The following DCUN1D4 variants were observed in gnomAD, a reference collection of about 807,000 sequenced individuals.
DCUN1D4 encodes the protein defective in cullin neddylation 1 domain containing 4.
In DCUN1D4, 22 loss-of-function variants were observed where a neutral mutation model predicts 47.9. The ratio of observed to expected loss-of-function variants is 0.46; its 90% CI spans 0.33 to 0.66. The LOEUF (loss-of-function observed/expected upper bound fraction) is 0.66. DCUN1D4 is among the 30% of genes least tolerant of loss of function. DCUN1D4 has a pLI of 0.02. For missense variants in DCUN1D4, 301 were observed against 340.8 expected, an observed-to-expected ratio of 0.88 and a Z score of 0.92; for synonymous variants, 121 against 112.2, an observed-to-expected ratio of 1.08 and a Z score of -0.50.
At chr4:51,840,587 G>A (rs1340317387), upstream of DCUN1D4, among the ~76,000 whole-genome samples, 1 of 152,148 alleles carries the variant, frequency 6.6e-6, no homozygotes, top group African/African-American at 2.4e-5. Context: ...TAATCACCAA[G>A]GTTCCTATCC....
intron 6 of DCUN1D4, among the ~76,000 whole-genome samples, chr4:51,889,279 A>G (rs1456684630): frequency 1.3e-5 from 2 of 152,194 alleles, no homozygotes; most frequent in African/African-American, 4.8e-5. Flanking sequence ...CAGAGACATT[A>G]ACATTTGTAA....
intron 6 of DCUN1D4, among the ~76,000 whole-genome samples, chr4:51,890,743 C>T (rs1373945948): frequency 6.6e-6 from 1 of 152,226 alleles, no homozygotes; most frequent in African/African-American, 2.4e-5. Context: ...GGCCTCAACC[C>T]TGTCCCTGTG....
intron 5 of DCUN1D4, among the ~76,000 whole-genome samples, chr4:51,882,877 T>C (rs370517585): frequency 2.2e-4 from 34 of 151,508 alleles, no homozygotes; most frequent in African/African-American, 6.1e-4. Flanking sequence ...AAAGTAACTT[T>C]CCCCCCCGGC....
chr4:51,847,801 C>T (rs1722784644), intron 1 of DCUN1D4, among the ~76,000 whole-genome samples: 1 of 152,048 alleles, frequency 6.6e-6, no homozygotes, highest in Non-Finnish European at 1.5e-5. Flanking sequence ...TTACTGTGCT[C>T]CCTCTCTAGC....
intron 1 of DCUN1D4, among the ~76,000 whole-genome samples, chr4:51,858,516 A>G (rs748382652): frequency 6.6e-6 from 1 of 152,192 alleles, no homozygotes; most frequent in East Asian, 1.9e-4. Context: ...TTCCCCTTCC[A>G]TCTGTAACTA....
chr4:51,853,408 G>A (rs1244767875), intron 1 of DCUN1D4, among the ~76,000 whole-genome samples: 2 of 152,138 alleles, frequency 1.3e-5, no homozygotes, highest in Non-Finnish European at 2.9e-5. Flanking sequence ...TTCCTCACCT[G>A]CTACTTTCAA....
intron 1 of DCUN1D4, among the ~76,000 whole-genome samples, chr4:51,857,041 C>G (rs144360272): frequency 6.6e-6 from 1 of 152,276 alleles, no homozygotes; most frequent in Admixed American, 6.5e-5. Flanking sequence ...ATACTCGACT[C>G]ATACCGTATT....
At chr4:51,833,973 C>T in the DCUN1D4 span, among the ~76,000 whole-genome samples, 1 of 149,110 alleles carries the variant, frequency 6.7e-6, no homozygotes, top group South Asian at 2.2e-4. Context: ...GGAGATTTTG[C>T]AGAGTGGGAG....
At chr4:51,871,671 C>A (rs1726920923) in intron 3 of DCUN1D4, among the ~76,000 whole-genome samples, 1 of 152,226 alleles carries the variant, frequency 6.6e-6, no homozygotes, top group African/African-American at 2.4e-5. Context: ...CCTTGAGGAT[C>A]AGGACAGACT....
intron 6 of DCUN1D4, among the ~76,000 whole-genome samples, chr4:51,889,231 T>C (rs1730044551): frequency 6.6e-6 from 1 of 152,230 alleles, no homozygotes; most frequent in Admixed American, 6.5e-5. Flanking sequence ...CTAAATAAAC[T>C]CTGATGTGCT....
At chr4:51,883,616 G>A (rs938398918) in intron 5 of DCUN1D4, among the ~76,000 whole-genome samples, 16 of 152,238 alleles carry the variant, frequency 1.1e-4, no homozygotes, top group Non-Finnish European at 7.3e-5. Flanking sequence ...GAAACGAGGA[G>A]TGTAAATATT....
intron 3 of DCUN1D4, among the ~76,000 whole-genome samples, chr4:51,867,839 TCTGCGCAGAAGCCTG>T (rs930070853): frequency 2.6e-5 from 4 of 152,236 alleles, no homozygotes; most frequent in African/African-American, 9.6e-5. Flanking sequence ...CCCACCCCTT[TCTGCGCAGAAGCCTG>T]CTTCCTGATG....
intron 6 of DCUN1D4, among the ~76,000 whole-genome samples, chr4:51,891,096 G>A (rs1339493916): frequency 6.6e-6 from 1 of 152,224 alleles, no homozygotes; most frequent in Non-Finnish European, 1.5e-5. Context: ...TGTATATAGT[G>A]AATTCACAAA....
chr4:51,846,939 C>G (rs1722641207), intron 1 of DCUN1D4, among the ~76,000 whole-genome samples: 2 of 152,184 alleles, frequency 1.3e-5, no homozygotes, highest in Non-Finnish European at 2.9e-5. Context: ...AAGGAAGGTG[C>G]ATATTTCCTT....
intron 8 of DCUN1D4, among the ~76,000 whole-genome samples, chr4:51,903,495 G>T (rs996883362): frequency 6.6e-5 from 10 of 151,970 alleles, no homozygotes; most frequent in Middle Eastern, 6.8e-3. Context: ...GTTTATTTTG[G>T]TTGGGGATTG....
At chr4:51,835,325 A>G in the DCUN1D4 span, among the ~76,000 whole-genome samples, 1 of 152,236 alleles carries the variant, frequency 6.6e-6, no homozygotes. Flanking sequence ...GGGTTTTACA[A>G]AAATGTCTAC....
chr4:51,850,088 A>C (rs1363848858), intron 1 of DCUN1D4, among the ~76,000 whole-genome samples: 1 of 152,066 alleles, frequency 6.6e-6, no homozygotes, highest in Non-Finnish European at 1.5e-5. Flanking sequence ...CACTACCACA[A>C]TTGTTGGCTT....
chr4:51,878,908 A>G (rs1728106581), intron 5 of DCUN1D4, among the ~76,000 whole-genome samples: 1 of 151,484 alleles, frequency 6.6e-6, no homozygotes, highest in South Asian at 2.1e-4. Flanking sequence ...TTCCCATGCA[A>G]CCCTTTTTGT....
At chr4:51,887,872 T>C (rs533649939) in intron 6 of DCUN1D4, among the ~76,000 whole-genome samples, 1 of 152,176 alleles carries the variant, frequency 6.6e-6, no homozygotes, top group Admixed American at 6.5e-5. Flanking sequence ...CTTTCACTTA[T>C]TACATAGATT....
Sources: gnomAD v4.1 joint callset for allele counts (sites outside exome capture counted in the v4.1 genomes callset) on GRCh38, gnomAD v4.1.1 for gene constraint, MANE v1.5 for transcripts, NCBI Gene and HGNC (gene_info 2026-07-23, HGNC 2026-07-21) for gene names.